Variants in ELFN2 observed in about 807,000 individuals in gnomAD.
The protein encoded by ELFN2 is extracellular leucine rich repeat and fibronectin type III domain containing 2.
In ELFN2, 17 loss-of-function variants were observed where a neutral mutation model predicts 45.5. The ratio of observed to expected loss-of-function variants is 0.37; its 90% CI spans 0.26 to 0.56. The LOEUF (loss-of-function observed/expected upper bound fraction) is 0.56. Ranked by LOEUF, ELFN2 falls within the 20% of genes least tolerant of loss-of-function variation. The probability of loss-of-function intolerance (pLI) is 0.77; values close to 1 mark genes in which losing one functional copy is unlikely to be tolerated. For synonymous variants in ELFN2, 550 were observed against 551.5 expected, an observed-to-expected ratio of 1.00 and a Z score of 0.04; for missense variants, 922 against 1,183.2, an observed-to-expected ratio of 0.78 and a Z score of 3.24.
At chr22:37,388,463 C>T (rs796304738) in intron 2 of ELFN2, among the ~76,000 whole-genome samples, 5 of 152,320 alleles carry the variant, frequency 3.3e-5, no homozygotes, top group African/African-American at 9.6e-5. Flanking sequence ...GAGGCCAGCT[C>T]GCCGCCCTCA....
chr22:37,383,072 T>C (rs1931833226), intron 2 of ELFN2, among the ~76,000 whole-genome samples: 1 of 152,178 alleles, frequency 6.6e-6, no homozygotes, highest in African/African-American at 2.4e-5. Flanking sequence ...CTTCCTTCGC[T>C]GTGGTGTCAA....
chr22:37,405,834 G>T (rs1248065341), intron 2 of ELFN2, among the ~76,000 whole-genome samples: 1 of 149,542 alleles, frequency 6.7e-6, no homozygotes, highest in Non-Finnish European at 1.5e-5. Flanking sequence ...AAAAAAAAAA[G>T]GGTGGAGGGG....
chr22:37,367,592 G>C (rs1439383094), downstream of ELFN2, among the ~76,000 whole-genome samples: 1 of 152,190 alleles, frequency 6.6e-6, no homozygotes, highest in Non-Finnish European at 1.5e-5. Context: ...GCCCCCACAT[G>C]GCCCTGCCTC....
chr22:37,402,450 G>T (rs376930692), intron 2 of ELFN2, among the ~76,000 whole-genome samples: 1 of 152,184 alleles, frequency 6.6e-6, no homozygotes, highest in African/African-American at 2.4e-5. Context: ...ACCCGGCCCC[G>T]GTGAGCGTCT....
chr22:37,362,489 G>T (rs1241302866), intron 1 of ELFN2, among the ~76,000 whole-genome samples: 1 of 152,234 alleles, frequency 6.6e-6, no homozygotes, highest in Admixed American at 6.5e-5. Flanking sequence ...TGCAGGGGTT[G>T]ACAGGGCCGG....
At chr22:37,379,399 G>A (rs1237747615) in intron 2 of ELFN2, among the ~76,000 whole-genome samples, 2 of 152,160 alleles carry the variant, frequency 1.3e-5, no homozygotes, top group African/African-American at 4.8e-5. Context: ...AGCCCAGGAG[G>A]GGTGCAGCCA....
rs371574699 is a variant in ELFN2, at chr22:37,374,442, G to C, written c.1093C>G (p.Arg365Gly). Residue 365 changes from arginine to glycine, a missense_variant, in exon 3 of 3, where the codon CGC becomes GGC. This residue lies in a region of ELFN2 where 358 missense variants were observed against 540.4 expected (regional missense o/e 0.66). Transcript: ENST00000402918. The part of the protein sequence containing the change: ...TEYTFCVTSL[R>G]NSRRFNHTCL... Reference sequence around the variant, plus strand: ...GTGTGGTTGAAGCGGCGGCTGTTGCGCAGCGAGGTCACGCAGAAGGTGTAC... The same window carrying C: ...GTGTGGTTGAAGCGGCGGCTGTTGCCCAGCGAGGTCACGCAGAAGGTGTAC... 1.8e-5 allele frequency: 29 copies of C among 1,613,900 alleles called. No individual in the cohort carries two copies. The highest frequency in any genetic ancestry group is 2.4e-5 in the Non-Finnish European group (28 of 1,179,940).
At chr22:37,423,348 C>A (rs965253969) in intron 1 of ELFN2, among the ~76,000 whole-genome samples, 3 of 152,158 alleles carry the variant, frequency 2.0e-5, no homozygotes, top group African/African-American at 7.2e-5. Context: ...GTCACTGCAC[C>A]CATTTACAGA....
intron 2 of ELFN2, among the ~76,000 whole-genome samples, chr22:37,386,545 C>T (rs545910982): frequency 6.6e-6 from 1 of 152,318 alleles, no homozygotes; most frequent in East Asian, 1.9e-4. Context: ...AATTCCCTCC[C>T]CCTGGCCCTG....
intron 2 of ELFN2, among the ~76,000 whole-genome samples, chr22:37,394,905 C>T (rs1327904537): frequency 6.6e-6 from 1 of 151,984 alleles, no homozygotes; most frequent in Admixed American, 6.6e-5. Flanking sequence ...GAGTTCGAGA[C>T]CAGCCTGGCC....
At chr22:37,383,412 C>T (rs1370676691) in intron 2 of ELFN2, among the ~76,000 whole-genome samples, 1 of 152,196 alleles carries the variant, frequency 6.6e-6, no homozygotes, top group Non-Finnish European at 1.5e-5. Flanking sequence ...GCTGGGTGTT[C>T]GTCCACCCCC....
At position 37,374,102 on chromosome 22, in the gene ELFN2, C is replaced by T; in HGVS notation, c.1433G>A (p.Gly478Glu). Residue 478 changes from glycine to glutamate, a missense_variant, in exon 3 of 3, where the codon GGG becomes GAG. Gly to Glu is a moderately conservative substitution (Grantham distance 98). Transcript: ENST00000402918. ...SRMASIPSMI[G>E]EKLPTAKGLE... Reference sequence around the variant, plus strand: ...CCCCTTGGCGGTGGGCAGCTTCTCCCCGATCATGGAGGGGATGGAGGCCAT... The same window carrying T: ...CCCCTTGGCGGTGGGCAGCTTCTCCTCGATCATGGAGGGGATGGAGGCCAT... 6.2e-7 allele frequency: 1 copy of T among 1,613,164 alleles called. No homozygotes were observed. The highest frequency in any genetic ancestry group is 1.3e-5 in the African/African-American group (1 of 75,054).
intron 2 of ELFN2, among the ~76,000 whole-genome samples, chr22:37,341,306 T>A (rs1220006155): frequency 2.0e-5 from 3 of 151,912 alleles, no homozygotes; most frequent in Admixed American, 2.0e-4. Context: ...CCCTCTGGAG[T>A]CCTGCTGCTC....
At chr22:37,416,579 C>T (rs1484631609) in intron 2 of ELFN2, among the ~76,000 whole-genome samples, 1 of 152,158 alleles carries the variant, frequency 6.6e-6, no homozygotes, top group African/African-American at 2.4e-5. Context: ...ATCATGACCA[C>T]AGAAGTGGGA....
intron 2 of ELFN2, among the ~76,000 whole-genome samples, chr22:37,413,819 G>A (rs1000972278): frequency 6.6e-6 from 1 of 152,196 alleles, no homozygotes; most frequent in Non-Finnish European, 1.5e-5. Context: ...TGTTCGTTAT[G>A]GCACAAGCCC....
At chr22:37,403,328 C>G (rs1378954059) in intron 2 of ELFN2, among the ~76,000 whole-genome samples, 1 of 152,172 alleles carries the variant, frequency 6.6e-6, no homozygotes. Flanking sequence ...ACCACCTTCC[C>G]AATTTAGGAG....
intron 1 of ELFN2, among the ~76,000 whole-genome samples, chr22:37,343,248 G>T (rs1202874417): frequency 4.6e-5 from 7 of 152,092 alleles, no homozygotes; most frequent in Admixed American, 3.3e-4. Flanking sequence ...GAGGCAGGTG[G>T]GGGCCCCAGC....
downstream of ELFN2, among the ~76,000 whole-genome samples, chr22:37,365,050 A>G (rs911751265): frequency 6.6e-6 from 1 of 152,220 alleles, no homozygotes; most frequent in Non-Finnish European, 1.5e-5. Context: ...GGCTGAGCCC[A>G]GAGGAGAGAA....
intron 2 of ELFN2, among the ~76,000 whole-genome samples, chr22:37,408,584 C>A (rs1050223539): frequency 6.6e-6 from 1 of 152,218 alleles, no homozygotes; most frequent in Non-Finnish European, 1.5e-5. Context: ...CTACCATATG[C>A]CAGGACCTTC....
Sources: allele counts gnomAD v4.1 joint callset (sites outside exome capture counted in the v4.1 genomes callset), GRCh38; gene constraint gnomAD v4.1.1; regional missense constraint gnomAD v4.1.1; transcripts MANE v1.5; gene names NCBI Gene and HGNC (gene_info 2026-07-23, HGNC 2026-07-21).